NXPE2: variants seen among roughly 807,000 people sequenced by gnomAD.
NXPE2 encodes the protein neurexophilin and PC-esterase domain family member 2, also known as NXPE family member 2.
Under a neutral mutation model 34.4 loss-of-function variants are expected in NXPE2, and 34 were observed. The ratio of observed to expected loss-of-function variants is 0.99; its 90% CI spans 0.75 to 1.31. NXPE2 has a LOEUF of 1.31. Ranked by LOEUF, NXPE2 falls within the 40% of genes most tolerant of loss-of-function variation. The pLI is 0.00. For missense variants in NXPE2, 649 were observed against 672.5 expected, an observed-to-expected ratio of 0.97 and a Z score of 0.39; for synonymous variants, 235 against 231.3, an observed-to-expected ratio of 1.02 and a Z score of -0.15.
At position 114,698,776 on chromosome 11, in the gene NXPE2, C is replaced by T; in HGVS notation, c.864C>T (p.His288=). 1 of 1,540,342 alleles carries T rather than the reference C, an allele frequency of 6.5e-7. No homozygotes were observed. Among genetic ancestry groups the T allele is most frequent in the Non-Finnish European group, 8.7e-7 (1 of 1,144,852 alleles). ...YLSKEEWRLF[H]RSNIGVEMMK... Reference sequence around the variant, plus strand: ...GCAAGGAAGAATGGAGGCTTTTCCACAGGTAAAGAGGCTTTTAAATACAAT... The same window carrying T: ...GCAAGGAAGAATGGAGGCTTTTCCATAGGTAAAGAGGCTTTTAAATACAAT... The change falls in exon 3 of 6, where the codon CAC becomes CAT. Residue 288 remains histidine, a splice_region_variant and synonymous_variant. Coordinates refer to ENST00000389586, the MANE Select transcript of NXPE2 (RefSeq NM_182495.6).
the NXPE2 span, among the ~76,000 whole-genome samples, chr11:114,467,127 T>C: frequency 6.6e-6 from 1 of 152,346 alleles, no homozygotes; most frequent in South Asian, 2.1e-4. Context: ...GCATACTTTA[T>C]CAGGCAATCC....
chr11:114,539,991 A>G, the NXPE2 span, among the ~76,000 whole-genome samples: 47 of 152,366 alleles, frequency 3.1e-4, 1 homozygote, highest in African/African-American at 8.7e-4. Context: ...AAAGTTCAAT[A>G]TAAAGACATT....
At chr11:114,708,636 A>AAAAAGAAAAGAAAAG (rs369604933), downstream of NXPE2, among the ~76,000 whole-genome samples, 9 of 148,412 alleles carry the variant, frequency 6.1e-5, no homozygotes, top group African/African-American at 1.5e-4. Flanking sequence ...TCTCAAAAAA[A>AAAAAGAAAAGAAAAG]AAAAGAAAAG....
the NXPE2 span, among the ~76,000 whole-genome samples, chr11:114,555,965 T>A: frequency 6.6e-6 from 1 of 152,234 alleles, no homozygotes; most frequent in African/African-American, 2.4e-5. Context: ...CTGCTCTGAA[T>A]ATTCATATAT....
At chr11:114,747,837 A>G in the NXPE2 span, among the ~76,000 whole-genome samples, 1 of 152,188 alleles carries the variant, frequency 6.6e-6, no homozygotes, top group Non-Finnish European at 1.5e-5. Flanking sequence ...GAAAAAATTT[A>G]TAGCCACTCT....
chr11:114,788,281 G>A, the NXPE2 span, among the ~76,000 whole-genome samples: 1 of 152,218 alleles, frequency 6.6e-6, no homozygotes, highest in Non-Finnish European at 1.5e-5. Context: ...GGAGGGTAGA[G>A]GAGAGGACCA....
the NXPE2 span, among the ~76,000 whole-genome samples, chr11:114,664,205 G>A: frequency 6.6e-6 from 1 of 152,104 alleles, no homozygotes; most frequent in Non-Finnish European, 1.5e-5. Flanking sequence ...AGATACACAA[G>A]TACTATAATA....
At chr11:114,509,596 A>C in the NXPE2 span, among the ~76,000 whole-genome samples, 1 of 152,236 alleles carries the variant, frequency 6.6e-6, no homozygotes, top group Admixed American at 6.5e-5. Context: ...CAGCCATAAA[A>C]AAAATGAGAT....
the NXPE2 span, among the ~76,000 whole-genome samples, chr11:114,555,049 T>G: frequency 2.6e-5 from 4 of 152,256 alleles, no homozygotes; most frequent in East Asian, 7.7e-4. Context: ...CCTTTTTTTT[T>G]TTTCATGGCA....
At chr11:114,593,049 T>A in the NXPE2 span, among the ~76,000 whole-genome samples, 1 of 152,148 alleles carries the variant, frequency 6.6e-6, no homozygotes. Flanking sequence ...AAGACTGATA[T>A]GCATGACCCA....
chr11:114,737,533 A>C, the NXPE2 span, among the ~76,000 whole-genome samples: 1 of 152,202 alleles, frequency 6.6e-6, no homozygotes, highest in Non-Finnish European at 1.5e-5. Flanking sequence ...ACTCAGCAAG[A>C]ACGTTCCTTA....
chr11:114,652,202 T>A, the NXPE2 span, among the ~76,000 whole-genome samples: 1 of 152,200 alleles, frequency 6.6e-6, no homozygotes, highest in African/African-American at 2.4e-5. Flanking sequence ...TGAGAGGGGC[T>A]CTGAGACCTC....
At chr11:114,765,120 T>G in the NXPE2 span, among the ~76,000 whole-genome samples, 5 of 152,296 alleles carry the variant, frequency 3.3e-5, no homozygotes, top group Middle Eastern at 3.4e-3. Context: ...GATCCTATTA[T>G]AACTCCTAAT....
chr11:114,769,728 C>T, the NXPE2 span, among the ~76,000 whole-genome samples: 1 of 152,146 alleles, frequency 6.6e-6, no homozygotes, highest in Non-Finnish European at 1.5e-5. Context: ...AATCCAAACA[C>T]TGCATGTTCT....
the NXPE2 span, among the ~76,000 whole-genome samples, chr11:114,575,644 G>T: frequency 5.3e-5 from 8 of 151,822 alleles, no homozygotes; most frequent in African/African-American, 1.9e-4. Context: ...ACCTAGCCAA[G>T]GATGTCAAAG....
At chr11:114,710,852 T>C (rs1391142716), downstream of NXPE2, among the ~76,000 whole-genome samples, 1 of 152,034 alleles carries the variant, frequency 6.6e-6, no homozygotes, top group African/African-American at 2.4e-5. Context: ...GAAGGAATAC[T>C]AGTAAACCAA....
chr11:114,523,751 G>A, the NXPE2 span, among the ~76,000 whole-genome samples: 3 of 152,054 alleles, frequency 2.0e-5, no homozygotes, highest in African/African-American at 4.8e-5. Context: ...TCTTGTTATG[G>A]CATAACAAAG....
the NXPE2 span, among the ~76,000 whole-genome samples, chr11:114,504,469 C>T: frequency 1.3e-5 from 2 of 152,124 alleles, no homozygotes; most frequent in Non-Finnish European, 2.9e-5. Flanking sequence ...GTGGTGAACG[C>T]CCACCAGGGA....
chr11:114,579,013 G>T, the NXPE2 span, among the ~76,000 whole-genome samples: 1 of 152,088 alleles, frequency 6.6e-6, no homozygotes, highest in Non-Finnish European at 1.5e-5. Context: ...TTGCTATAAA[G>T]GAATACCTGA....
Sources: allele counts gnomAD v4.1 joint callset (sites outside exome capture counted in the v4.1 genomes callset), GRCh38; gene constraint gnomAD v4.1.1; transcripts MANE v1.5; gene names NCBI Gene and HGNC (gene_info 2026-07-23, HGNC 2026-07-21).